NDST1: variants seen among roughly 807,000 people sequenced by gnomAD.
NDST1 encodes the protein bifunctional heparan sulfate N-deacetylase/N-sulfotransferase 1.
In NDST1, 35 loss-of-function variants were observed where a neutral mutation model predicts 92.8. The observed-to-expected ratio is 0.38, with a 90% CI of 0.29 to 0.50. The LOEUF (loss-of-function observed/expected upper bound fraction) is 0.50. Among genes scored for constraint, NDST1 ranks in the 20% least tolerant of loss-of-function variants. The probability of loss-of-function intolerance (pLI) is 0.94; values close to 1 mark genes in which losing one functional copy is unlikely to be tolerated. For missense variants in NDST1, 822 were observed against 1,182.7 expected (o/e 0.69, Z 4.47); for synonymous variants, 493 against 500.3 (o/e 0.99, Z 0.19).
chr5:150,533,510 G>T (rs1051175981), intron 4 of NDST1, among the ~76,000 whole-genome samples: 2 of 152,040 alleles, frequency 1.3e-5, no homozygotes, highest in Admixed American at 1.3e-4. Context: ...TGCTTGGTGC[G>T]CACTTTCCTT....
chr5:150,522,063 C>T (rs577668419), intron 2 of NDST1, among the ~76,000 whole-genome samples: 1 of 152,304 alleles, frequency 6.6e-6, no homozygotes, highest in Non-Finnish European at 1.5e-5. Flanking sequence ...GAGGAGCATG[C>T]TCTGCTAGGT....
At chr5:150,527,276 A>C (rs115257989) in intron 2 of NDST1, among the ~76,000 whole-genome samples, 79 of 152,304 alleles carry the variant, frequency 5.2e-4, no homozygotes, top group Middle Eastern at 3.4e-3. Flanking sequence ...TGATGTGAGG[A>C]CTGAATGAGC....
At chr5:150,532,601 C>A (rs1581385891) in intron 3 of NDST1, among the ~76,000 whole-genome samples, 1 of 152,082 alleles carries the variant, frequency 6.6e-6, no homozygotes, top group Non-Finnish European at 1.5e-5. Context: ...GATCTCGGCT[C>A]ACTGCACCTC....
intron 1 of NDST1, among the ~76,000 whole-genome samples, chr5:150,502,268 G>T (rs1370263021): frequency 3.3e-5 from 5 of 152,162 alleles, no homozygotes; most frequent in Non-Finnish European, 2.9e-5. Flanking sequence ...TGGTGGGTGG[G>T]GACGGCGGGG....
At chr5:150,512,199 A>G (rs1464557606) in intron 1 of NDST1, among the ~76,000 whole-genome samples, 2 of 152,072 alleles carry the variant, frequency 1.3e-5, no homozygotes, top group Non-Finnish European at 2.9e-5. Context: ...CCAGATGCCT[A>G]TGATGATGCC....
chr5:150,505,727 G>C (rs988973157), upstream of NDST1, among the ~76,000 whole-genome samples: 1 of 152,150 alleles, frequency 6.6e-6, no homozygotes, highest in Non-Finnish European at 1.5e-5. Context: ...AGATTTAGGA[G>C]GGTCTATGGA....
upstream of NDST1, among the ~76,000 whole-genome samples, chr5:150,505,412 G>A (rs1753406884): frequency 6.6e-6 from 1 of 152,240 alleles, no homozygotes; most frequent in South Asian, 2.1e-4. Context: ...GAACCAGACA[G>A]ATGCTGGTTC....
Position 150,540,338 on chromosome 5 carries a change from A to G in NDST1, c.1749+74A>G, listed in dbSNP as rs1294792392. ...CCACTCACAGGCACACACTCCAGATATGGACTCAAGGCTCAGCCATCATGC... is the reference window on the plus strand; with the variant it reads ...CCACTCACAGGCACACACTCCAGATGTGGACTCAAGGCTCAGCCATCATGC... On this transcript the variant is annotated intron_variant, in intron 8 of 14. Coordinates refer to ENST00000261797, the MANE Select transcript of NDST1 (RefSeq NM_001543.5). 1.4e-5 allele frequency: 21 copies of G among 1,465,984 alleles called. No individual in the cohort carries two copies. In the Middle Eastern group the frequency reaches 7.5e-4, roughly 53 times the overall value. 90.8% of individuals were successfully genotyped at this position (1,465,984 alleles called of 1,614,324 possible). A position where few individuals can be genotyped will look rare whatever the true frequency, so the allele number is the denominator to read the frequency against.
intron 10 of NDST1, among the ~76,000 whole-genome samples, chr5:150,543,971 G>A (rs1381264959): frequency 6.6e-6 from 1 of 152,162 alleles, no homozygotes; most frequent in Non-Finnish European, 1.5e-5. Context: ...GTAGAGACGA[G>A]GTTTTGCCAT....
At chr5:150,549,336 A>T (rs889028375) in intron 12 of NDST1, among the ~76,000 whole-genome samples, 2 of 152,168 alleles carry the variant, frequency 1.3e-5, no homozygotes, top group Admixed American at 6.5e-5. Flanking sequence ...CAGGCCTTTT[A>T]GGCAAACTTG....
At chr5:150,543,630 GGT>G (rs1755345448) in intron 10 of NDST1, among the ~76,000 whole-genome samples, 1 of 152,320 alleles carries the variant, frequency 6.6e-6, no homozygotes, top group East Asian at 1.9e-4. Context: ...CAAGGTTCGA[GGT>G]GGGTACACCT....
intron 1 of NDST1, among the ~76,000 whole-genome samples, chr5:150,513,806 G>A (rs1286699876): frequency 2.6e-5 from 4 of 152,222 alleles, no homozygotes; most frequent in Non-Finnish European, 5.9e-5. Context: ...GAAGGCCCTT[G>A]TACCTCTGCC....
chr5:150,547,228 G>A (rs949957091), intron 11 of NDST1, among the ~76,000 whole-genome samples: 21 of 152,348 alleles, frequency 1.4e-4, no homozygotes, highest in African/African-American at 4.3e-4. Context: ...GATCAAGAGG[G>A]GTAAGGGATA....
intron 7 of NDST1, chr5:150,539,717 A>G: frequency 1.0e-6 from 1 of 984,964 alleles, no homozygotes; most frequent in Middle Eastern, 5.2e-4. Context: ...TAAAATGCAA[A>G]CAATTACCTC....
chr5:150,530,261 A>G (rs1754663051), intron 3 of NDST1, among the ~76,000 whole-genome samples: 1 of 152,174 alleles, frequency 6.6e-6, no homozygotes, highest in Admixed American at 6.5e-5. Flanking sequence ...CTGAAATTCC[A>G]TTCTCTTAAA....
chr5:150,532,170 C>G (rs535295347), intron 3 of NDST1, among the ~76,000 whole-genome samples: 2 of 152,280 alleles, frequency 1.3e-5, no homozygotes, highest in Admixed American at 6.5e-5. Flanking sequence ...CAGGGTCTTA[C>G]AGTTGGACCT....
intron 5 of NDST1, 116 bp from the exon 6 acceptor site, chr5:150,535,584 A>C (rs1581390671): frequency 7.5e-7 from 1 of 1,339,916 alleles, no homozygotes; most frequent in East Asian, 2.4e-5. Flanking sequence ...GAAGTCTCAG[A>C]CCAGCAGCCA....
At chr5:150,520,502 C>G (rs1161747604) in intron 1 of NDST1, among the ~76,000 whole-genome samples, 3 of 152,176 alleles carry the variant, frequency 2.0e-5, no homozygotes, top group Admixed American at 2.0e-4. Context: ...TGTTTATCAT[C>G]TCTCCCCATC....
intron 11 of NDST1, among the ~76,000 whole-genome samples, chr5:150,547,788 C>T (rs1561608439): frequency 6.6e-6 from 1 of 152,192 alleles, no homozygotes. Flanking sequence ...CGAGTTTAAG[C>T]GATTCTCGTG....
Sources: gnomAD v4.1 joint callset for allele counts (sites outside exome capture counted in the v4.1 genomes callset) on GRCh38, gnomAD v4.1.1 for gene constraint, MANE v1.5 for transcripts, NCBI Gene and HGNC (gene_info 2026-07-23, HGNC 2026-07-21) for gene names.